Variants in TFAP2D observed in about 807,000 individuals in gnomAD.
TFAP2D encodes the protein transcription factor AP-2 delta.
TFAP2D carries 9 observed loss-of-function variants against 43.6 expected under a neutral mutation model. The ratio of observed to expected loss-of-function variants is 0.21; its 90% confidence interval spans 0.12 to 0.36. TFAP2D has a LOEUF of 0.36. Ranked by LOEUF, TFAP2D falls within the 10% of genes least tolerant of loss-of-function variation. The probability of loss-of-function intolerance (pLI) is 1.00; values close to 1 mark genes in which losing one functional copy is unlikely to be tolerated. For missense variants in TFAP2D, 513 were observed against 561.4 expected (o/e 0.91, Z 0.87); for synonymous variants, 256 against 224.9 (o/e 1.14, Z -1.24).
rs2114034132 is a variant in TFAP2D at position 50,724,427 on chromosome 6, A to G, written c.599-4429A>G. 2.6e-5 allele frequency among the ~76,000 whole-genome samples: 4 copies of G among 152,282 alleles called. No homozygotes were observed. The Middle Eastern group carries it at 0.01, about 388-fold the overall frequency. ...TTTGCTCTCAAGATTTGGTCTAATT[A>G]TGTCAACACCGACGCTACGACGAGT... On this transcript the variant is annotated intron_variant, in intron 3 of 7. Transcript: ENST00000008391.
chr6:50,724,597 G>C (rs575120148), intron 3 of TFAP2D, among the ~76,000 whole-genome samples: 2 of 152,234 alleles, frequency 1.3e-5, no homozygotes, highest in East Asian at 3.9e-4. Context: ...CGCGGAGGCC[G>C]TGAGTATGGC....
In TFAP2D at chr6:50,764,502, C is replaced by T. The variant is rs184131998; in HGVS notation, c.1140-8143C>T. 1.4e-4 allele frequency among the ~76,000 whole-genome samples: 22 copies of T among 152,260 alleles called. No homozygotes were observed. In the South Asian group the frequency reaches 2.7e-3, roughly 19 times the overall value. ...TATTCATTAATTCAATTATTACATA[C>T]GCTGCTGTGCAATATATCCATGCAA... On this transcript the variant is annotated intron_variant, in intron 7 of 7. Coordinates refer to ENST00000008391, the MANE Select transcript of TFAP2D (RefSeq NM_172238.4).
Position 50,766,654 on chromosome 6 carries a change from C to CTTTTTTTTTTTTTTT in TFAP2D, c.1140-5980_1140-5966dup, listed in dbSNP as rs763018088. ...CCTTTTGATACCATGAGATTGCTTT[C>CTTTTTTTTTTTTTTT]TTTTTTTTTTTTTTTTTTTTTTTTT... On this transcript the variant is annotated intron_variant, in intron 7 of 7. Coordinates refer to ENST00000008391, the MANE Select transcript of TFAP2D (RefSeq NM_172238.4). Among the ~76,000 whole-genome samples, 3 of 57,384 alleles carry CTTTTTTTTTTTTTTT rather than the reference C, an allele frequency of 5.2e-5. 1 individual carries two copies. Among genetic ancestry groups the CTTTTTTTTTTTTTTT allele is most frequent in the Non-Finnish European group, 7.0e-5 (2 of 28,480 alleles). The allele number at this position is 57,384 out of a possible 152,430, so 37.6% of individuals were successfully genotyped here.
chr6:50,752,996 A>G (rs1265379173), intron 7 of TFAP2D, among the ~76,000 whole-genome samples: 1 of 151,974 alleles, frequency 6.6e-6, no homozygotes, highest in African/African-American at 2.4e-5. Context: ...GGAAGCATTT[A>G]GTAAATGACG....
intron 6 of TFAP2D, among the ~76,000 whole-genome samples, chr6:50,750,439 G>A (rs141644216): frequency 6.6e-6 from 1 of 151,854 alleles, no homozygotes; most frequent in Non-Finnish European, 1.5e-5. Flanking sequence ...GTGTTTTGTT[G>A]TTAAAATACA....
intron 7 of TFAP2D, among the ~76,000 whole-genome samples, chr6:50,759,151 A>T (rs1769329730): frequency 6.6e-6 from 1 of 152,090 alleles, no homozygotes; most frequent in African/African-American, 2.4e-5. Flanking sequence ...TGGGGAACAC[A>T]TACATTGTGG....
At chr6:50,748,395 A>T (rs1554155483) in intron 6 of TFAP2D, among the ~76,000 whole-genome samples, 1 of 151,908 alleles carries the variant, frequency 6.6e-6, no homozygotes, top group Non-Finnish European at 1.5e-5. Flanking sequence ...ATTATAAAAA[A>T]TATATATGAA....
chr6:50,758,540 G>T (rs76038540), intron 7 of TFAP2D, among the ~76,000 whole-genome samples: 3,251 of 151,830 alleles, frequency 0.021, 108 homozygotes, highest in African/African-American at 0.073. Context: ...TTCCTTCAGG[G>T]TTCCACATGT....
intron 6 of TFAP2D, among the ~76,000 whole-genome samples, chr6:50,747,872 T>C (rs1023979164): frequency 1.3e-5 from 2 of 152,074 alleles, no homozygotes; most frequent in Non-Finnish European, 2.9e-5. Context: ...TTTTAGGTGA[T>C]ATTTTGAACT....
intron 7 of TFAP2D, among the ~76,000 whole-genome samples, chr6:50,756,593 C>A (rs1169608083): frequency 6.6e-6 from 1 of 152,000 alleles, no homozygotes; most frequent in East Asian, 1.9e-4. Context: ...AAGCCGTATG[C>A]ATAGCAGTGA....
At chr6:50,748,987 T>A (rs977545298) in intron 6 of TFAP2D, among the ~76,000 whole-genome samples, 5 of 151,850 alleles carry the variant, frequency 3.3e-5, no homozygotes, top group African/African-American at 9.7e-5. Flanking sequence ...TAAGATTGTT[T>A]CTTTTTGTAG....
intron 7 of TFAP2D, among the ~76,000 whole-genome samples, chr6:50,765,267 G>T (rs1055181107): frequency 4.6e-5 from 7 of 152,026 alleles, no homozygotes; most frequent in African/African-American, 1.7e-4. Context: ...TGCCTTCTTT[G>T]TTATGGCTAA....
chr6:50,733,752 G>A (rs1430050080), intron 5 of TFAP2D, among the ~76,000 whole-genome samples: 1 of 151,958 alleles, frequency 6.6e-6, no homozygotes, highest in Non-Finnish European at 1.5e-5. Flanking sequence ...TCTTATCTAG[G>A]AAGTTCCAAG....
intron 3 of TFAP2D, among the ~76,000 whole-genome samples, chr6:50,721,725 T>G (rs1469381734): frequency 6.6e-6 from 1 of 152,236 alleles, no homozygotes; most frequent in Non-Finnish European, 1.5e-5. Flanking sequence ...CTGTTTCTTT[T>G]CCAGCTCATG....
chr6:50,764,198 A>G (rs192791072), intron 7 of TFAP2D, among the ~76,000 whole-genome samples: 16 of 152,232 alleles, frequency 1.1e-4, no homozygotes, highest in South Asian at 8.3e-4. Flanking sequence ...TGTCTCTGAA[A>G]CATGTGCTTG....
At position 50,755,489 on chromosome 6, in the gene TFAP2D, A is replaced by G. The variant is rs540346873; in HGVS notation, c.1139+4165A>G. 9.3e-4 allele frequency among the ~76,000 whole-genome samples: 141 copies of G among 151,714 alleles called. 1 individual carries two copies. The South Asian group carries it at 0.017, about 18-fold the overall frequency. On this transcript the variant is annotated intron_variant, in intron 7 of 7. Coordinates refer to ENST00000008391, the MANE Select transcript of TFAP2D (RefSeq NM_172238.4). ...TATTTAATATTTAAAGATTTGATTCAGTAGTTCTAGGGCTGGACTCAGGTA... is the reference window on the plus strand; with the variant it reads ...TATTTAATATTTAAAGATTTGATTCGGTAGTTCTAGGGCTGGACTCAGGTA...
At chr6:50,757,577 T>C (rs1971439) in intron 7 of TFAP2D, among the ~76,000 whole-genome samples, 1,420 of 59,152 alleles carry the variant, frequency 0.024, 21 homozygotes, top group African/African-American at 0.073. Context: ...ATATAGAATA[T>C]ATATAATTAT....
intron 6 of TFAP2D, among the ~76,000 whole-genome samples, chr6:50,747,300 T>C (rs186518984): frequency 1.3e-5 from 2 of 152,272 alleles, no homozygotes; most frequent in African/African-American, 2.4e-5. Flanking sequence ...AAAGACTTGT[T>C]ACAGATCAAG....
chr6:50,750,795 CTGTT>C (rs1473263010), intron 6 of TFAP2D, among the ~76,000 whole-genome samples: 1 of 151,990 alleles, frequency 6.6e-6, no homozygotes, highest in African/African-American at 2.4e-5. Context: ...TTTCCAAAGT[CTGTT>C]TGAATAATGG....
Sources: gnomAD v4.1 joint callset for allele counts (sites outside exome capture counted in the v4.1 genomes callset) on GRCh38, gnomAD v4.1.1 for gene constraint, MANE v1.5 for transcripts, NCBI Gene and HGNC (gene_info 2026-07-23, HGNC 2026-07-21) for gene names.